Variants in SHROOM4 observed in about 807,000 individuals in gnomAD.
SHROOM4 encodes protein Shroom4.
A neutral mutation model predicts 80.3 loss-of-function variants in SHROOM4; 17 were observed. That is an observed-to-expected ratio of 0.21 (90% confidence interval 0.14 to 0.32). SHROOM4 has a LOEUF of 0.32. SHROOM4 is among the 10% of genes least tolerant of loss of function. The pLI is 1.00. For missense variants in SHROOM4, 993 were observed against 1,140.3 expected (o/e 0.87, Z 1.86); for synonymous variants, 400 against 437.5 (o/e 0.91, Z 1.07).
intron 5 of SHROOM4, among the ~76,000 whole-genome samples, chrX:50,619,528 C>T (rs376672148): frequency 2.7e-4 from 30 of 111,815 alleles, no homozygotes; most frequent in African/African-American, 8.8e-4. Context: ...AAGTAATGAA[C>T]AATTAGCTTG....
At chrX:50,801,261 G>GGAGAGAGAGAGAGAGAGA (rs781878531) in intron 1 of SHROOM4, among the ~76,000 whole-genome samples, 833 of 81,501 alleles carry the variant, frequency 0.01, 22 homozygotes, top group East Asian at 0.024. Context: ...GAGAGAAAGA[G>GGAGAGAGAGAGAGAGAGA]GAGAGAGAGA....
At chrX:50,799,132 A>C (rs187397869) in intron 1 of SHROOM4, among the ~76,000 whole-genome samples, 67 of 112,478 alleles carry the variant, frequency 6.0e-4, no homozygotes, top group African/African-American at 2.0e-3. Context: ...CAAAATTTTC[A>C]ATCTTGGAAG....
intron 2 of SHROOM4, among the ~76,000 whole-genome samples, chrX:50,675,502 A>C (rs1456543815): frequency 9.0e-6 from 1 of 111,186 alleles, no homozygotes; most frequent in Non-Finnish European, 1.9e-5. Flanking sequence ...AAATGTGATC[A>C]GGAACAGGAA....
Position 50,634,902 on chromosome X carries a change from G to A in SHROOM4, c.1171C>T (p.Leu391=). 1 of 1,207,924 alleles carries A rather than the reference G, an allele frequency of 8.3e-7. No homozygotes were observed. The highest frequency in any genetic ancestry group is 1.1e-6 in the Non-Finnish European group (1 of 893,378). Residue 391 remains leucine (L), a synonymous_variant, in exon 4 of 9, where the codon CTA becomes TTA. Coordinates refer to ENST00000376020, the MANE Select transcript of SHROOM4 (RefSeq NM_020717.5). Reference sequence around the variant, plus strand: ...GGTCTGCCAAAAGAAGCCTTAGCTAGCTCTGCAGAAGCCTCATTGAGTGGG... The same window carrying A: ...GGTCTGCCAAAAGAAGCCTTAGCTAACTCTGCAGAAGCCTCATTGAGTGGG... ...SNPLNEASAE[L]AKASFGRPPH...
intron 1 of SHROOM4, among the ~76,000 whole-genome samples, chrX:50,710,796 C>T (rs2147491587): frequency 8.9e-6 from 1 of 111,966 alleles, no homozygotes; most frequent in South Asian, 3.8e-4. Context: ...AAAGGTAACT[C>T]AGCCTGTCTG....
chrX:50,730,457 A>C (rs2147539770), intron 1 of SHROOM4, among the ~76,000 whole-genome samples: 1 of 110,085 alleles, frequency 9.1e-6, no homozygotes, highest in East Asian at 2.9e-4. Flanking sequence ...AAATCAAATA[A>C]AAAAATAAAA....
chrX:50,680,614 G>C (rs914901622), intron 2 of SHROOM4, among the ~76,000 whole-genome samples: 1 of 111,227 alleles, frequency 9.0e-6, no homozygotes. Flanking sequence ...TTCCTAAGGA[G>C]AGAAATTATC....
At chrX:50,767,205 A>G (rs57985389) in intron 1 of SHROOM4, among the ~76,000 whole-genome samples, 6,630 of 111,882 alleles carry the variant, frequency 0.059, 515 homozygotes, top group African/African-American at 0.21. Flanking sequence ...AAGAAATGCA[A>G]TTTGTGCAGA....
intron 1 of SHROOM4, among the ~76,000 whole-genome samples, chrX:50,736,767 G>A (rs1934503332): frequency 8.9e-6 from 1 of 111,929 alleles, no homozygotes; most frequent in African/African-American, 3.2e-5. Flanking sequence ...CCCAGTAGTG[G>A]GATTGCTGGG....
At chrX:50,620,703 T>A (rs140360424) in intron 5 of SHROOM4, among the ~76,000 whole-genome samples, 24 of 111,783 alleles carry the variant, frequency 2.1e-4, no homozygotes, top group African/African-American at 7.5e-4. Flanking sequence ...TGCTGATAGT[T>A]TAATAAGCAG....
chrX:50,605,768 C>G (rs1339334400), intron 6 of SHROOM4, among the ~76,000 whole-genome samples: 1 of 112,450 alleles, frequency 8.9e-6, no homozygotes, highest in African/African-American at 3.2e-5. Flanking sequence ...AGTTAGTTTC[C>G]TCATCTGTCA....
intron 1 of SHROOM4, among the ~76,000 whole-genome samples, chrX:50,775,248 T>C (rs1474781212): frequency 8.9e-6 from 1 of 111,868 alleles, no homozygotes; most frequent in African/African-American, 3.3e-5. Flanking sequence ...CCTAGCTTCT[T>C]AGAAATGGCT....
chrX:50,730,395 C>T (rs1934342257), intron 1 of SHROOM4, among the ~76,000 whole-genome samples: 1 of 109,656 alleles, frequency 9.1e-6, no homozygotes, highest in South Asian at 4.0e-4. Context: ...CCATTACACT[C>T]CAGCCTGGGC....
In SHROOM4 at chrX:50,590,945, G is replaced by C. The variant is rs1928862859; in HGVS notation, c.*5750C>G. Among the ~76,000 whole-genome samples, 4 of 111,255 alleles carry C rather than the reference G, an allele frequency of 3.6e-5. No individual in the cohort carries two copies. Among genetic ancestry groups the C allele is most frequent in the Admixed American group, 1.9e-4 (2 of 10,508 alleles). ...TTTTAGCACAAAAGTTTTTAATTTTGATTTACTCCAATTTATTTCTATTTC... is the reference window on the plus strand; with the variant it reads ...TTTTAGCACAAAAGTTTTTAATTTTCATTTACTCCAATTTATTTCTATTTC... On this transcript the variant is annotated 3_prime_UTR_variant, in exon 9 of 9. Coordinates refer to ENST00000376020, the MANE Select transcript of SHROOM4 (RefSeq NM_020717.5).
chrX:50,740,432 C>T (rs1557267128), intron 1 of SHROOM4, among the ~76,000 whole-genome samples: 1 of 111,447 alleles, frequency 9.0e-6, no homozygotes, highest in Non-Finnish European at 1.9e-5. Flanking sequence ...AAACAAAAAG[C>T]CACAAAAGAT....
Position 50,729,802 on chromosome X carries a change from T to C in SHROOM4, c.118-33865A>G, listed in dbSNP as rs190638191. ...ATAAGACTAACAGTGAACTTCTCAA[T>C]AGAAAAATATGGAGAACAAAATTAG... On this transcript the variant is annotated intron_variant, in intron 1 of 8. Transcript: ENST00000376020. Among the ~76,000 whole-genome samples, 549 of 110,661 alleles carry C rather than the reference T, an allele frequency of 5.0e-3. 4 individuals are homozygous for C. Among genetic ancestry groups the C allele is most frequent in the African/African-American group, 0.017 (520 of 30,495 alleles).
At chrX:50,800,228 G>T (rs1209312913) in intron 1 of SHROOM4, among the ~76,000 whole-genome samples, 1 of 112,354 alleles carries the variant, frequency 8.9e-6, no homozygotes, top group African/African-American at 3.2e-5. Flanking sequence ...TCTAATTTAG[G>T]CTTGGAAGTG....
intron 2 of SHROOM4, among the ~76,000 whole-genome samples, chrX:50,666,168 T>C (rs1366255371): frequency 9.0e-6 from 1 of 111,357 alleles, no homozygotes; most frequent in Non-Finnish European, 1.9e-5. Context: ...AACTGACATG[T>C]CCATTTGAGC....
intron 6 of SHROOM4, among the ~76,000 whole-genome samples, chrX:50,605,205 A>G (rs1929612285): frequency 9.0e-6 from 1 of 111,705 alleles, no homozygotes; most frequent in South Asian, 3.8e-4. Flanking sequence ...AAGTTACTTT[A>G]TCTCCCTGGG....
Sources: allele counts gnomAD v4.1 joint callset (sites outside exome capture counted in the v4.1 genomes callset), GRCh38; gene constraint gnomAD v4.1.1; transcripts MANE v1.5; gene names NCBI Gene and HGNC (gene_info 2026-07-23, HGNC 2026-07-21).